Variants in SH3RF1 observed in about 807,000 individuals in gnomAD.
The protein encoded by SH3RF1 is SH3 domain containing ring finger 1, also known as E3 ubiquitin-protein ligase SH3RF1.
Under a neutral mutation model 74.0 loss-of-function variants are expected in SH3RF1, and 32 were observed. That is an observed-to-expected ratio of 0.43 (90% CI 0.33 to 0.58). The LOEUF is 0.58. Among genes scored for constraint, SH3RF1 ranks in the 20% least tolerant of loss-of-function variants. SH3RF1 has a pLI of 0.05. For missense variants in SH3RF1, 954 were observed against 1,130.9 expected, an observed-to-expected ratio of 0.84 and a Z score of 2.24; for synonymous variants, 396 against 439.6, an observed-to-expected ratio of 0.90 and a Z score of 1.24.
chr4:169,167,696 T>C (rs1243061107), intron 2 of SH3RF1, among the ~76,000 whole-genome samples: 2 of 152,120 alleles, frequency 1.3e-5, no homozygotes, highest in African/African-American at 2.4e-5. Context: ...ATCACAGTAG[T>C]TGCCCATAGG....
intron 4 of SH3RF1, among the ~76,000 whole-genome samples, chr4:169,144,125 C>G (rs903500608): frequency 2.6e-5 from 4 of 152,120 alleles, no homozygotes; most frequent in African/African-American, 9.7e-5. Flanking sequence ...TTTACACACC[C>G]CAGGTAGAAA....
intron 2 of SH3RF1, among the ~76,000 whole-genome samples, chr4:169,235,982 A>C (rs2127009958): frequency 6.6e-6 from 1 of 152,288 alleles, no homozygotes; most frequent in African/African-American, 2.4e-5. Flanking sequence ...TGCCTGGCCT[A>C]CTTAATTTCT....
chr4:169,101,813 T>C (rs1268805104), intron 11 of SH3RF1, among the ~76,000 whole-genome samples: 1 of 152,038 alleles, frequency 6.6e-6, no homozygotes, highest in Non-Finnish European at 1.5e-5. Flanking sequence ...GGTCCCTGAA[T>C]GGCCTCTGCC....
chr4:169,123,568 A>G (rs1467581017), intron 6 of SH3RF1, among the ~76,000 whole-genome samples: 1 of 152,192 alleles, frequency 6.6e-6, no homozygotes, highest in African/African-American at 2.4e-5. Flanking sequence ...TGTGGCTCAC[A>G]TTCTCAATTC....
intron 2 of SH3RF1, among the ~76,000 whole-genome samples, chr4:169,224,930 G>A (rs545832785): frequency 5.3e-5 from 8 of 152,306 alleles, no homozygotes; most frequent in African/African-American, 1.7e-4. Context: ...AAGGGACATC[G>A]AGTCTCATTC....
chr4:169,210,521 C>T (rs1362679525), intron 2 of SH3RF1, among the ~76,000 whole-genome samples: 1 of 152,134 alleles, frequency 6.6e-6, no homozygotes, highest in Non-Finnish European at 1.5e-5. Flanking sequence ...TTAAATAAAA[C>T]CCTACTAAAA....
intron 10 of SH3RF1, among the ~76,000 whole-genome samples, chr4:169,115,167 A>C (rs529734540): frequency 2.3e-4 from 35 of 152,210 alleles, no homozygotes; most frequent in African/African-American, 7.7e-4. Flanking sequence ...ATTAAAAAAA[A>C]CCCCAAAAAC....
chr4:169,254,105 T>C (rs74634560), intron 2 of SH3RF1, among the ~76,000 whole-genome samples: 118 of 152,316 alleles, frequency 7.7e-4, no homozygotes, highest in Non-Finnish European at 1.4e-3. Flanking sequence ...GGAAGATGAA[T>C]GTGAATAAGC....
At chr4:169,201,203 T>C (rs1272098488) in intron 2 of SH3RF1, among the ~76,000 whole-genome samples, 1 of 152,120 alleles carries the variant, frequency 6.6e-6, no homozygotes, top group Non-Finnish European at 1.5e-5. Context: ...ACAATGAAAT[T>C]TGGAATTAAA....
intron 4 of SH3RF1, among the ~76,000 whole-genome samples, chr4:169,147,013 T>C (rs1349673298): frequency 6.6e-6 from 1 of 152,152 alleles, no homozygotes; most frequent in Non-Finnish European, 1.5e-5. Context: ...AAATTAAGTA[T>C]AAAGAGGTAC....
chr4:169,151,515 C>T (rs1054016101), intron 4 of SH3RF1, among the ~76,000 whole-genome samples: 3 of 152,178 alleles, frequency 2.0e-5, no homozygotes, highest in Non-Finnish European at 4.4e-5. Context: ...CCCACTATGG[C>T]ACCAGTATGT....
intron 10 of SH3RF1, among the ~76,000 whole-genome samples, chr4:169,107,565 C>T (rs1733167489): frequency 6.6e-6 from 1 of 152,182 alleles, no homozygotes; most frequent in African/African-American, 2.4e-5. Flanking sequence ...CAACTCACAT[C>T]CCAGGTTTGG....
chr4:169,256,625 C>G (rs1731198033), intron 2 of SH3RF1, among the ~76,000 whole-genome samples: 1 of 152,140 alleles, frequency 6.6e-6, no homozygotes. Context: ...GAGACAAGGT[C>G]TCATTCTGTC....
intron 6 of SH3RF1, among the ~76,000 whole-genome samples, 168 bp from the exon 7 acceptor site, chr4:169,122,434 T>A (rs1300055678): frequency 2.0e-5 from 3 of 152,198 alleles, no homozygotes; most frequent in Non-Finnish European, 2.9e-5. Flanking sequence ...AAAGCCTGCT[T>A]CTACAAATTC....
Position 169,268,901 on chromosome 4 carries a change from C to T in SH3RF1, c.312G>A (p.Val104=). 1 of 1,613,680 alleles carries T rather than the reference C, an allele frequency of 6.2e-7. No homozygotes were observed. Among genetic ancestry groups the T allele is most frequent in the East Asian group, 2.2e-5 (1 of 44,884 alleles). Residue 104 remains valine (V), a synonymous_variant, in exon 2 of 12, where the codon GTG becomes GTA. Transcript: ENST00000284637. ...GCAGATCTTTTGAGCTACAATTAGC[C>T]ACAGTGCTGCTCTGAGACCTTAATG... ...TNALRSQSST[V]ANCSSKDLQS... is the part of the protein sequence containing the mutation.
At chr4:169,101,130 T>C (rs1733020556) in intron 11 of SH3RF1, among the ~76,000 whole-genome samples, 1 of 152,238 alleles carries the variant, frequency 6.6e-6, no homozygotes, top group African/African-American at 2.4e-5. Flanking sequence ...AACCATAAGC[T>C]GCTTGAAGGA....
At chr4:169,252,732 G>A (rs141091356) in intron 2 of SH3RF1, among the ~76,000 whole-genome samples, 3 of 152,256 alleles carry the variant, frequency 2.0e-5, no homozygotes, top group African/African-American at 7.2e-5. Context: ...GAATAAATAC[G>A]TGCTGATGGA....
intron 2 of SH3RF1, among the ~76,000 whole-genome samples, chr4:169,243,745 C>T (rs1730951094): frequency 6.6e-6 from 1 of 152,168 alleles, no homozygotes; most frequent in South Asian, 2.1e-4. Flanking sequence ...AGAAGTCTTG[C>T]TTTCATTTAC....
chr4:169,218,317 A>T (rs1408883665), intron 2 of SH3RF1, among the ~76,000 whole-genome samples: 3 of 97,580 alleles, frequency 3.1e-5, no homozygotes, highest in East Asian at 5.0e-4. Context: ...AGAATATAGA[A>T]TATAGAATAC....
Sources: gnomAD v4.1 joint callset for allele counts (sites outside exome capture counted in the v4.1 genomes callset) on GRCh38, gnomAD v4.1.1 for gene constraint, MANE v1.5 for transcripts, NCBI Gene and HGNC (gene_info 2026-07-23, HGNC 2026-07-21) for gene names.